Variants in ESR1 observed in about 807,000 individuals in gnomAD.
ESR1 encodes estrogen receptor 1.
A neutral mutation model predicts 52.7 loss-of-function variants in ESR1; 12 were observed. That is an observed-to-expected ratio of 0.23 (90% confidence interval 0.15 to 0.37). The LOEUF is 0.37. Among genes scored for constraint, ESR1 ranks in the 10% least tolerant of loss-of-function variants. The pLI, the probability that ESR1 is intolerant of heterozygous loss-of-function variation, is 1.00. For missense variants in ESR1, 584 were observed against 779.7 expected, an observed-to-expected ratio of 0.75 and a Z score of 2.99; for synonymous variants, 305 against 316.8, an observed-to-expected ratio of 0.96 and a Z score of 0.39.
rs868486616 is a variant in ESR1 at position 151,780,264 on chromosome 6, G to A, written c.-70-27579G>A. On this transcript the variant is annotated intron_variant, in intron 2 of 2. Transcript: ENST00000404742. The stretch of plus-strand genomic sequence containing the variant: ...AGGAGAAATATCTAATGTAGATGAC[G>A]AGTTGATGGGTGCAGCAAACCACCA... 1.1e-4 allele frequency among the ~76,000 whole-genome samples: 17 copies of A among 152,088 alleles called. No homozygotes were observed. In the East Asian group the frequency reaches 2.5e-3, roughly 23 times the overall value.
chr6:152,104,114 A>G (rs1456163577), downstream of ESR1, among the ~76,000 whole-genome samples: 1 of 150,632 alleles, frequency 6.6e-6, no homozygotes, highest in Admixed American at 6.7e-5. Context: ...TGGTTCGCTC[A>G]TGGAGAGTAT....
chr6:151,792,340 C>T (rs907965158), intron 2 of ESR1, among the ~76,000 whole-genome samples: 10 of 152,122 alleles, frequency 6.6e-5, no homozygotes, highest in African/African-American at 2.2e-4. Flanking sequence ...ACTTTATAAA[C>T]ACTGTGCACT....
intron 5 of ESR1, among the ~76,000 whole-genome samples, chr6:152,035,335 G>A (rs1398394571): frequency 6.6e-6 from 1 of 151,108 alleles, no homozygotes; most frequent in Non-Finnish European, 1.5e-5. Context: ...TTTTATAGCA[G>A]CAATCAAAAC....
intron 2 of ESR1, among the ~76,000 whole-genome samples, chr6:151,731,382 G>A (rs1428228865): frequency 6.6e-6 from 1 of 151,772 alleles, no homozygotes; most frequent in Non-Finnish European, 1.5e-5. Flanking sequence ...AGAAATGTGG[G>A]GGCAGATAAG....
At chr6:152,005,935 C>G (rs553150433) in intron 4 of ESR1, among the ~76,000 whole-genome samples, 5 of 152,144 alleles carry the variant, frequency 3.3e-5, no homozygotes, top group Admixed American at 3.3e-4. Context: ...AAGAAAGAGT[C>G]AGCTTGATAT....
intron 3 of ESR1, among the ~76,000 whole-genome samples, chr6:151,925,875 C>A (rs537023011): frequency 4.0e-5 from 6 of 151,864 alleles, no homozygotes; most frequent in Admixed American, 2.6e-4. Flanking sequence ...AACTTACTAC[C>A]AAATTCAATA....
At chr6:151,699,895 C>T (rs1294983637) in intron 1 of ESR1, among the ~76,000 whole-genome samples, 3 of 151,950 alleles carry the variant, frequency 2.0e-5, no homozygotes, top group Admixed American at 6.6e-5. Flanking sequence ...GCAGTGGAGA[C>T]GGCCAAACCA....
intron 2 of ESR1, among the ~76,000 whole-genome samples, chr6:151,758,523 G>T (rs2128091473): frequency 6.6e-6 from 1 of 152,252 alleles, no homozygotes; most frequent in East Asian, 1.9e-4. Flanking sequence ...CACTTTGGGA[G>T]GCCAAAGTGG....
intron 1 of ESR1, among the ~76,000 whole-genome samples, chr6:151,671,157 A>G (rs893945398): frequency 6.6e-6 from 1 of 152,170 alleles, no homozygotes; most frequent in Non-Finnish European, 1.5e-5. Flanking sequence ...TAATACATAG[A>G]AAGTGAAGGG....
chr6:152,117,615 G>T (rs2051225369), intron 6 of ESR1, among the ~76,000 whole-genome samples: 1 of 152,164 alleles, frequency 6.6e-6, no homozygotes, highest in Non-Finnish European at 1.5e-5. Context: ...CAGCTCCCTA[G>T]ATTAAATGTT....
intron 2 of ESR1, among the ~76,000 whole-genome samples, chr6:151,762,498 A>G (rs1197442515): frequency 6.6e-6 from 1 of 152,096 alleles, no homozygotes; most frequent in East Asian, 1.9e-4. Context: ...CAGCTCTTTC[A>G]TTTACAAATT....
chr6:151,867,582 A>G (rs550140240), intron 2 of ESR1, among the ~76,000 whole-genome samples: 1 of 152,346 alleles, frequency 6.6e-6, no homozygotes, highest in East Asian at 1.9e-4. Flanking sequence ...AGAAATGCAA[A>G]TCAAAACCAC....
At chr6:151,683,855 C>T (rs1044289810) in intron 1 of ESR1, among the ~76,000 whole-genome samples, 14 of 147,654 alleles carry the variant, frequency 9.5e-5, no homozygotes, top group African/African-American at 1.5e-4. Context: ...TGTGCCACCA[C>T]GTCTGGCTAT....
At position 152,100,091 on chromosome 6, in the gene ESR1, C is replaced by G. The variant is rs2050910963; in HGVS notation, c.*1125C>G. 2.5e-6 allele frequency: 1 copy of G among 398,718 alleles called. No homozygotes were observed. The highest frequency in any genetic ancestry group is 1.3e-4 in the South Asian group (1 of 7,862). The allele number at this position is 398,718 out of a possible 1,614,324, so 24.7% of individuals were successfully genotyped here. ...CACAGCCAGACTTGCTCAGGGTGGC[C>G]CTGCCACAGGCTGCAGCTACCTAGG... On this transcript the variant is annotated 3_prime_UTR_variant, in exon 8 of 8. Transcript: ENST00000206249.
intron 2 of ESR1, among the ~76,000 whole-genome samples, chr6:151,716,216 G>C (rs1310098610): frequency 6.6e-6 from 1 of 152,110 alleles, no homozygotes; most frequent in Admixed American, 6.5e-5. Flanking sequence ...TTGTCCCAGA[G>C]GGGCACCCAC....
intron 1 of ESR1, among the ~76,000 whole-genome samples, chr6:151,819,541 G>A (rs1240499028): frequency 6.6e-6 from 1 of 152,184 alleles, no homozygotes; most frequent in Non-Finnish European, 1.5e-5. Flanking sequence ...TGTGAACTGT[G>A]TATGTGAGGG....
intron 5 of ESR1, among the ~76,000 whole-genome samples, chr6:152,028,063 G>C (rs897136386): frequency 6.6e-6 from 1 of 152,132 alleles, no homozygotes; most frequent in South Asian, 2.1e-4. Context: ...AGAATGGCCT[G>C]AATCCGGGAG....
At chr6:151,902,235 C>G (rs974131407) in intron 3 of ESR1, among the ~76,000 whole-genome samples, 47 of 152,126 alleles carry the variant, frequency 3.1e-4, no homozygotes, top group African/African-American at 1.1e-3. Flanking sequence ...CTCAAGGGAC[C>G]TAGGACTGGA....
At chr6:151,887,173 G>A (rs1213220114) in intron 3 of ESR1, among the ~76,000 whole-genome samples, 1 of 152,012 alleles carries the variant, frequency 6.6e-6, no homozygotes, top group Non-Finnish European at 1.5e-5. Flanking sequence ...GTAGCTGCAT[G>A]TGAATCCAAG....
Sources: gnomAD v4.1 joint callset for allele counts (sites outside exome capture counted in the v4.1 genomes callset) on GRCh38, gnomAD v4.1.1 for gene constraint, MANE v1.5 for transcripts, NCBI Gene and HGNC (gene_info 2026-07-23, HGNC 2026-07-21) for gene names.